The following PLEKHH2 variants were observed in gnomAD, a reference collection of about 807,000 sequenced individuals.
PLEKHH2 encodes pleckstrin homology domain-containing family H member 2.
PLEKHH2 carries 129 observed loss-of-function variants against 187.9 expected under a neutral mutation model. The ratio of observed to expected loss-of-function variants is 0.69; its 90% CI spans 0.59 to 0.79. The LOEUF (loss-of-function observed/expected upper bound fraction) is 0.79. PLEKHH2 is among the 30% of genes least tolerant of loss of function. The pLI, the probability that PLEKHH2 is intolerant of heterozygous loss-of-function variation, is 0.00. For missense variants in PLEKHH2, 2,076 were observed against 1,751.2 expected (o/e 1.19, Z -3.31); for synonymous variants, 686 against 605.6 (o/e 1.13, Z -1.95).
At position 43,699,901 on chromosome 2, in the gene PLEKHH2, G is replaced by A; in HGVS notation, c.943G>A (p.Val315Ile). 1 of 1,614,134 alleles carries A rather than the reference G, an allele frequency of 6.2e-7. No homozygotes were observed. The highest frequency in any genetic ancestry group is 8.5e-7 in the Non-Finnish European group (1 of 1,180,008). Residue 315 changes from valine (V) to isoleucine (I), a missense_variant, in exon 8 of 30, where the codon GTC (valine) becomes ATC (isoleucine). By Grantham distance (29) the Val-to-Ile change is conservative (BLOSUM62 3). Transcript: ENST00000282406. ...TLSSHTSEEG[V>I]QCSRMGSEMY... ...CTCCAGTCACACATCTGAGGAAGGG[G>A]TCCAGTGTAGCAGGATGGGAAGTGA...
intron 18 of PLEKHH2, among the ~76,000 whole-genome samples, chr2:43,731,233 C>A (rs1671022364): frequency 6.6e-6 from 1 of 151,920 alleles, no homozygotes; most frequent in African/African-American, 2.4e-5. Flanking sequence ...CTCATGTAAC[C>A]ACATACCACC....
chr2:43,673,458 T>C (rs537631908), intron 2 of PLEKHH2, among the ~76,000 whole-genome samples: 1 of 152,348 alleles, frequency 6.6e-6, no homozygotes, highest in East Asian at 1.9e-4. Flanking sequence ...TTCTTATTTT[T>C]AGCCCTACAA....
rs557645642 is a variant in PLEKHH2 at position 43,755,625 on chromosome 2, C to T, written c.3796-1494C>T. On this transcript the variant is annotated intron_variant, in intron 25 of 29. Coordinates refer to ENST00000282406, the MANE Select transcript of PLEKHH2 (RefSeq NM_172069.4). ...AAGGGACAGTGTGTGTCTCTGCTTCCGGTGGTATCAGCTGACATAGCTTGA... is the reference window on the plus strand; with the variant it reads ...AAGGGACAGTGTGTGTCTCTGCTTCTGGTGGTATCAGCTGACATAGCTTGA... Among the ~76,000 whole-genome samples, 5 of 152,260 alleles carry T rather than the reference C, an allele frequency of 3.3e-5. No individual in the cohort carries two copies. In the East Asian group the frequency reaches 5.8e-4, roughly 18 times the overall value.
At chr2:43,639,272 T>G (rs57484362) in intron 1 of PLEKHH2, among the ~76,000 whole-genome samples, 5,206 of 152,344 alleles carry the variant, frequency 0.034, 110 homozygotes, top group South Asian at 0.063. Flanking sequence ...GATCTTAATA[T>G]AAGTCACAAA....
At chr2:43,703,588 T>C (rs981368292) in intron 8 of PLEKHH2, among the ~76,000 whole-genome samples, 4 of 152,224 alleles carry the variant, frequency 2.6e-5, no homozygotes, top group African/African-American at 9.6e-5. Flanking sequence ...GAATGGTTTC[T>C]AGCTTAATGT....
chr2:43,741,858 A>G (rs1671579623), intron 21 of PLEKHH2, among the ~76,000 whole-genome samples: 1 of 152,208 alleles, frequency 6.6e-6, no homozygotes, highest in Non-Finnish European at 1.5e-5. Flanking sequence ...AGTAAAATTT[A>G]TGTATAACAA....
chr2:43,723,205 A>C (rs1670568257), intron 16 of PLEKHH2, among the ~76,000 whole-genome samples: 1 of 152,176 alleles, frequency 6.6e-6, no homozygotes, highest in Non-Finnish European at 1.5e-5. Flanking sequence ...CTATTATTAA[A>C]AGCTTGCTTT....
chr2:43,676,349 G>A (rs769172109), intron 2 of PLEKHH2: 5 of 1,549,312 alleles, frequency 3.2e-6, no homozygotes, highest in Non-Finnish European at 4.4e-6. Flanking sequence ...CAGTGTGCCA[G>A]GGTCAAAGGC....
intron 2 of PLEKHH2, among the ~76,000 whole-genome samples, chr2:43,650,936 C>T (rs764897494): frequency 1.5e-4 from 23 of 151,990 alleles, no homozygotes; most frequent in African/African-American, 5.1e-4. Flanking sequence ...TGAGCCACCG[C>T]GCCTGGCCAG....
chr2:43,716,346 G>A (rs1670207522), intron 15 of PLEKHH2, among the ~76,000 whole-genome samples: 3 of 152,124 alleles, frequency 2.0e-5, no homozygotes, highest in African/African-American at 7.2e-5. Context: ...AAGTTTGTAG[G>A]ACATTGAGTG....
chr2:43,641,039 C>G (rs535598072), intron 1 of PLEKHH2, among the ~76,000 whole-genome samples: 88 of 151,334 alleles, frequency 5.8e-4, no homozygotes, highest in African/African-American at 1.9e-3. Context: ...GCAGTCTAAC[C>G]GCCTCGGCCT....
intron 23 of PLEKHH2, among the ~76,000 whole-genome samples, chr2:43,745,128 A>G (rs1375712316): frequency 2.0e-5 from 3 of 151,992 alleles, no homozygotes; most frequent in Admixed American, 6.6e-5. Context: ...AGCCTGATCA[A>G]TGTGGTGAAA....
chr2:43,702,196 A>G (rs1023949650), intron 8 of PLEKHH2, among the ~76,000 whole-genome samples: 2 of 152,188 alleles, frequency 1.3e-5, no homozygotes, highest in African/African-American at 2.4e-5. Context: ...TTTTATTACT[A>G]TATTTTTTAT....
intron 2 of PLEKHH2, among the ~76,000 whole-genome samples, chr2:43,656,463 G>C (rs1162096175): frequency 8.1e-6 from 1 of 123,498 alleles, no homozygotes; most frequent in Admixed American, 8.0e-5. Context: ...AAGATATGAA[G>C]ATATTCCTAG....
intron 14 of PLEKHH2, chr2:43,710,903 T>G (rs1049224664): frequency 9.2e-7 from 1 of 1,088,062 alleles, no homozygotes; most frequent in Non-Finnish European, 1.1e-6. Flanking sequence ...GAATTCTCAA[T>G]AAGATGTTAG....
intron 9 of PLEKHH2, 106 bp from the exon 10 acceptor site, chr2:43,706,216 G>A (rs183886061): frequency 4.0e-5 from 32 of 798,504 alleles, no homozygotes; most frequent in South Asian, 7.3e-5. Context: ...TGTATTAATC[G>A]AATTGCTTTT....
chr2:43,684,450 A>G (rs956823235), intron 3 of PLEKHH2, among the ~76,000 whole-genome samples: 1 of 152,184 alleles, frequency 6.6e-6, no homozygotes, highest in African/African-American at 2.4e-5. Flanking sequence ...TTCTTAATTC[A>G]TAATATGTGG....
chr2:43,688,989 C>T (rs1031343349), intron 3 of PLEKHH2, among the ~76,000 whole-genome samples: 1 of 147,186 alleles, frequency 6.8e-6, no homozygotes, highest in African/African-American at 2.5e-5. Context: ...TAAATTTTGG[C>T]CCAGGGCCCC....
At chr2:43,654,685 T>C (rs1051643928) in intron 2 of PLEKHH2, among the ~76,000 whole-genome samples, 5 of 141,156 alleles carry the variant, frequency 3.5e-5, no homozygotes, top group Middle Eastern at 3.6e-3. Context: ...CAAGACCAGC[T>C]TGGGCAACAT....
Sources: allele counts gnomAD v4.1 joint callset (sites outside exome capture counted in the v4.1 genomes callset), GRCh38; gene constraint gnomAD v4.1.1; transcripts MANE v1.5; gene names NCBI Gene and HGNC (gene_info 2026-07-23, HGNC 2026-07-21).